Variants in DLGAP2 observed in about 807,000 individuals in gnomAD.
DLGAP2 encodes DLG associated protein 2.
A neutral mutation model predicts 100.3 loss-of-function variants in DLGAP2; 26 were observed. That is an observed-to-expected ratio of 0.26 (90% confidence interval 0.19 to 0.36). The LOEUF is 0.36. DLGAP2 is among the 10% of genes least tolerant of loss of function. The pLI is 1.00. For missense variants in DLGAP2, 1,858 were observed against 1,453.2 expected, an observed-to-expected ratio of 1.28 and a Z score of -4.53; for synonymous variants, 886 against 630.1, an observed-to-expected ratio of 1.41 and a Z score of -6.08.
At chr8:1,660,231 C>T (rs979352245) in intron 8 of DLGAP2, among the ~76,000 whole-genome samples, 2 of 152,158 alleles carry the variant, frequency 1.3e-5, no homozygotes, top group African/African-American at 4.8e-5. Flanking sequence ...TCATGGGCTT[C>T]CCTTTGTGTG....
At chr8:1,120,992 A>T (rs7016647) in intron 2 of DLGAP2, among the ~76,000 whole-genome samples, 17 of 149,614 alleles carry the variant, frequency 1.1e-4, no homozygotes, top group East Asian at 6.3e-4. Flanking sequence ...TCAGAACCCA[A>T]GACCTCCCAT....
At chr8:991,707 T>TTGCCCAGA (rs1462409428) in intron 2 of DLGAP2, among the ~76,000 whole-genome samples, 1 of 6,576 alleles carries the variant, frequency 1.5e-4, no homozygotes, top group Admixed American at 9.9e-4. Flanking sequence ...CTCTCCCTCC[T>TTGCCCAGA]TGCCCAGACC....
chr8:1,259,376 C>T (rs952379797), intron 3 of DLGAP2, among the ~76,000 whole-genome samples: 29 of 152,162 alleles, frequency 1.9e-4, no homozygotes, highest in African/African-American at 6.3e-4. Context: ...TTAAAACACG[C>T]GGCAAAGTAG....
chr8:1,130,249 T>C (rs1034247211), intron 2 of DLGAP2, among the ~76,000 whole-genome samples: 2 of 152,102 alleles, frequency 1.3e-5, no homozygotes, highest in African/African-American at 4.8e-5. Flanking sequence ...GATTTGAAAG[T>C]TGTTATTTGG....
rs772339646 is a variant in DLGAP2 at position 1,548,850 on chromosome 8, C to G, written c.397C>G (p.His133Asp). ...SPADSCPGGR[H>D]RCSPRSSVHS... ...CGCCGACAGCTGCCCCGGGGGGCGCCACCGCTGCTCGCCGCGCAGCTCGGT... is the reference window on the plus strand; with the variant it reads ...CGCCGACAGCTGCCCCGGGGGGCGCGACCGCTGCTCGCCGCGCAGCTCGGT... Residue 133 changes from histidine to aspartate, a missense_variant, in exon 5 of 15, where the codon CAC becomes GAC. By Grantham distance (81) the His-to-Asp change is moderately conservative. Coordinates refer to ENST00000637795, the MANE Select transcript of DLGAP2 (RefSeq NM_001346810.2). 3 of 1,581,334 alleles carry G rather than the reference C, an allele frequency of 1.9e-6. No individual in the cohort carries two copies. The East Asian group carries it at 6.8e-5, about 36-fold the overall frequency.
chr8:1,048,671 T>C lies in DLGAP2; in HGVS notation c.73+140705T>C, dbSNP rs1458193705. On this transcript the variant is annotated intron_variant, in intron 2 of 14. Transcript: ENST00000637795. The stretch of plus-strand genomic sequence containing the variant: ...ACATGCCTTGATGTGGGTGCTGTGA[T>C]GTTGTTTGAATGAGAAGAAGATGCC... Among the ~76,000 whole-genome samples the C allele has an allele frequency of 5.9e-5, 9 of 151,880 alleles. No individual in the cohort carries two copies. The East Asian group carries it at 7.8e-4, about 13-fold the overall frequency.
intron 2 of DLGAP2, among the ~76,000 whole-genome samples, chr8:1,007,639 G>T (rs1409933060): frequency 6.7e-6 from 1 of 148,594 alleles, no homozygotes; most frequent in Non-Finnish European, 1.5e-5. Flanking sequence ...TTTTTTTGGG[G>T]GGGGGATCTT....
At chr8:1,519,559 C>A (rs1239568860) in intron 4 of DLGAP2, among the ~76,000 whole-genome samples, 4 of 152,270 alleles carry the variant, frequency 2.6e-5, no homozygotes, top group African/African-American at 9.6e-5. Context: ...TTCTCTGACC[C>A]TGATCCCCTT....
At position 1,633,039 on chromosome 8, in the gene DLGAP2, A is replaced by C. The variant is rs1478074546; in HGVS notation, c.1803A>C (p.Ser601=). 6.2e-7 allele frequency: 1 copy of C among 1,613,986 alleles called. No homozygotes were observed. The highest frequency in any genetic ancestry group is 1.1e-5 in the South Asian group (1 of 91,084). Residue 601 remains serine, a synonymous_variant, in exon 8 of 15, where the codon TCA becomes TCC. Transcript: ENST00000637795. The part of the protein sequence containing the change: ...TPSDITSTIR[S]TAAVSYTNYK... ...CTGACATCACCTCCACCATCAGGTC[A>C]ACAGCAGGTAAGGGGACGCCATTTT...
At chr8:827,663 A>G (rs752439289) in intron 1 of DLGAP2, among the ~76,000 whole-genome samples, 6 of 152,252 alleles carry the variant, frequency 3.9e-5, no homozygotes, top group South Asian at 2.1e-4. Context: ...AATTCTTAGC[A>G]TTACTTCTGG....
At chr8:1,331,599 G>A (rs987134090) in intron 3 of DLGAP2, among the ~76,000 whole-genome samples, 2 of 152,192 alleles carry the variant, frequency 1.3e-5, no homozygotes, top group African/African-American at 4.8e-5. Flanking sequence ...AATCCGTCTT[G>A]TGTTTTTCTT....
intron 3 of DLGAP2, among the ~76,000 whole-genome samples, chr8:1,313,889 C>T (rs1800668635): frequency 6.6e-6 from 1 of 152,050 alleles, no homozygotes; most frequent in African/African-American, 2.4e-5. Context: ...GGGTTCAAAT[C>T]CACCTGACCC....
chr8:1,574,504 G>T (rs1489390628), intron 6 of DLGAP2, among the ~76,000 whole-genome samples: 2 of 152,148 alleles, frequency 1.3e-5, no homozygotes, highest in Non-Finnish European at 2.9e-5. Flanking sequence ...CCCGGAGGCA[G>T]CAGAATCTCC....
intron 1 of DLGAP2, among the ~76,000 whole-genome samples, chr8:879,538 G>A (rs1184658792): frequency 2.0e-5 from 3 of 152,128 alleles, no homozygotes; most frequent in African/African-American, 4.8e-5. Flanking sequence ...TCTGACCCAC[G>A]ATCTAGTCTT....
intron 2 of DLGAP2, among the ~76,000 whole-genome samples, chr8:1,233,512 G>A (rs571333655): frequency 1.3e-5 from 2 of 152,334 alleles, no homozygotes; most frequent in East Asian, 3.9e-4. Context: ...GATGCAGACC[G>A]CAGCTGGAGC....
At chr8:935,265 G>A (rs1270455518) in intron 2 of DLGAP2, among the ~76,000 whole-genome samples, 1 of 152,218 alleles carries the variant, frequency 6.6e-6, no homozygotes, top group Non-Finnish European at 1.5e-5. Flanking sequence ...TGGACCCAAA[G>A]CTGTGTGTGG....
chr8:1,337,420 ATGATGG>A (rs1801309720), intron 3 of DLGAP2, among the ~76,000 whole-genome samples: 1 of 2,176 alleles, frequency 4.6e-4, no homozygotes, highest in Non-Finnish European at 1.8e-3. Flanking sequence ...GATGGTGAGG[ATGATGG>A]TGATGGTGAT....
intron 2 of DLGAP2, among the ~76,000 whole-genome samples, chr8:957,638 G>C (rs2129009170): frequency 6.6e-6 from 1 of 152,284 alleles, no homozygotes; most frequent in East Asian, 1.9e-4. Context: ...ATAGTCAAAT[G>C]ACTGTCCTAC....
intron 2 of DLGAP2, among the ~76,000 whole-genome samples, chr8:1,223,853 T>A (rs375219928): frequency 6.6e-6 from 1 of 152,252 alleles, no homozygotes; most frequent in Non-Finnish European, 1.5e-5. Context: ...TGTGTATATT[T>A]ATTGAGCATC....
Sources: allele counts gnomAD v4.1 joint callset (sites outside exome capture counted in the v4.1 genomes callset), GRCh38; gene constraint gnomAD v4.1.1; transcripts MANE v1.5; gene names NCBI Gene and HGNC (gene_info 2026-07-23, HGNC 2026-07-21).